Variants in RBFOX2 observed in about 807,000 individuals in gnomAD.
RBFOX2 encodes the protein RNA binding fox-1 homolog 2.
Under a neutral mutation model 49.1 loss-of-function variants are expected in RBFOX2, and 10 were observed. The ratio of observed to expected loss-of-function variants is 0.20; its 90% CI spans 0.13 to 0.35. The LOEUF (loss-of-function observed/expected upper bound fraction) is 0.35, where lower values mean the gene tolerates loss of function less well. Ranked by LOEUF, RBFOX2 falls within the 10% of genes least tolerant of loss-of-function variation. RBFOX2 has a pLI of 1.00. For synonymous variants in RBFOX2, 183 were observed against 187.4 expected, an observed-to-expected ratio of 0.98 and a Z score of 0.19; for missense variants, 323 against 486.9, an observed-to-expected ratio of 0.66 and a Z score of 3.17.
At chr22:35,812,516 A>AT (rs1366307818) in intron 1 of RBFOX2, among the ~76,000 whole-genome samples, 3 of 152,152 alleles carry the variant, frequency 2.0e-5, no homozygotes, top group Non-Finnish European at 4.4e-5. Flanking sequence ...CTCTCTAGCC[A>AT]TATGAAACAT....
At chr22:35,969,264 T>C (rs2056741403) in intron 1 of RBFOX2, among the ~76,000 whole-genome samples, 1 of 151,886 alleles carries the variant, frequency 6.6e-6, no homozygotes, top group Non-Finnish European at 1.5e-5. Context: ...AAAATTTCCA[T>C]TAATTAAAAA....
chr22:35,917,633 G>C (rs1306163651), intron 1 of RBFOX2, among the ~76,000 whole-genome samples: 1 of 152,044 alleles, frequency 6.6e-6, no homozygotes, highest in Non-Finnish European at 1.5e-5. Context: ...TAATCACGTA[G>C]TCATGAAGAT....
chr22:35,916,232 G>A (rs886175094), intron 1 of RBFOX2, among the ~76,000 whole-genome samples: 9 of 152,150 alleles, frequency 5.9e-5, no homozygotes, highest in Admixed American at 1.3e-4. Context: ...TTTCTTCATT[G>A]GTAAAATATG....
At chr22:36,006,151 A>C (rs2058609710) in intron 1 of RBFOX2, among the ~76,000 whole-genome samples, 1 of 152,280 alleles carries the variant, frequency 6.6e-6, no homozygotes, top group African/African-American at 2.4e-5. Flanking sequence ...TATACTGTAG[A>C]AATTAAGCAC....
exon 1 of RBFOX2, chr22:35,961,637 T>C: frequency 7.7e-7 from 1 of 1,304,144 alleles, no homozygotes; most frequent in Non-Finnish European, 1.0e-6. Context: ...TTCTAAACCC[T>C]GCTGCTCTCC....
chr22:35,967,663 T>C (rs1477318634), intron 1 of RBFOX2, among the ~76,000 whole-genome samples: 1 of 152,124 alleles, frequency 6.6e-6, no homozygotes, highest in Non-Finnish European at 1.5e-5. Context: ...TAAATAAAAC[T>C]GAGAATTTTG....
exon 10 of RBFOX2, chr22:35,746,539 T>C: frequency 6.2e-7 from 1 of 1,607,964 alleles, no homozygotes; most frequent in Non-Finnish European, 8.5e-7. Flanking sequence ...AGGCTGTGCA[T>C]ATCTGTAGGC....
At chr22:35,961,285 A>G (rs536809263) in intron 1 of RBFOX2, among the ~76,000 whole-genome samples, 12 of 152,210 alleles carry the variant, frequency 7.9e-5, no homozygotes, top group Non-Finnish European at 1.5e-4. Flanking sequence ...AAAGGCACAC[A>G]CAAATACTTC....
At chr22:35,863,410 C>G (rs916363043) in intron 1 of RBFOX2, among the ~76,000 whole-genome samples, 2 of 152,076 alleles carry the variant, frequency 1.3e-5, no homozygotes, top group Admixed American at 6.6e-5. Context: ...TTTAACAGTA[C>G]CGAAAAACAA....
chr22:35,901,163 C>T (rs1389581811), intron 1 of RBFOX2, among the ~76,000 whole-genome samples: 1 of 152,172 alleles, frequency 6.6e-6, no homozygotes, highest in Non-Finnish European at 1.5e-5. Context: ...ACATAATATA[C>T]TCATGGTCTC....
At chr22:35,909,644 T>C (rs1382391131) in intron 1 of RBFOX2, among the ~76,000 whole-genome samples, 2 of 152,222 alleles carry the variant, frequency 1.3e-5, no homozygotes, top group Non-Finnish European at 2.9e-5. Context: ...AAGGGTAACA[T>C]GTGAGTCCCC....
At position 35,845,914 on chromosome 22, in the gene RBFOX2, G is replaced by C. The variant is rs139419429; in HGVS notation, c.-33-35910C>G. On this transcript the variant is annotated intron_variant, in intron 1 of 13. Transcript: ENST00000359369. Reference sequence around the variant, plus strand: ...ATCCCTGTGTCTGGCATAGTATCTGGCACACAGTAGGTACTCAAAAAACAG... The same window carrying C: ...ATCCCTGTGTCTGGCATAGTATCTGCCACACAGTAGGTACTCAAAAAACAG... Among the ~76,000 whole-genome samples the C allele has an allele frequency of 4.6e-3, 694 of 151,986 alleles. 6 individuals carry two copies. The highest frequency in any genetic ancestry group is 0.017 in the Middle Eastern group (5 of 294).
At chr22:35,794,606 C>G (rs547028990) in intron 2 of RBFOX2, among the ~76,000 whole-genome samples, 2 of 150,892 alleles carry the variant, frequency 1.3e-5, no homozygotes, top group East Asian at 3.9e-4. Context: ...TACAGTGAGC[C>G]GAGATCACGC....
chr22:35,969,424 T>A (rs1173910964), intron 1 of RBFOX2, among the ~76,000 whole-genome samples: 1 of 152,104 alleles, frequency 6.6e-6, no homozygotes, highest in Non-Finnish European at 1.5e-5. Context: ...ACACAAAAAT[T>A]CGTCAGGCAT....
At chr22:35,965,273 G>A (rs2056490864), upstream of RBFOX2, among the ~76,000 whole-genome samples, 1 of 152,108 alleles carries the variant, frequency 6.6e-6, no homozygotes, top group Non-Finnish European at 1.5e-5. Context: ...TTTTACTAAG[G>A]CCAGGTTCAG....
At chr22:35,831,729 C>T (rs1264034539) in intron 1 of RBFOX2, among the ~76,000 whole-genome samples, 2 of 152,208 alleles carry the variant, frequency 1.3e-5, no homozygotes, top group African/African-American at 2.4e-5. Flanking sequence ...AACCCAATCT[C>T]CTTCACTTAA....
At chr22:35,744,969 C>T (rs945566769) in intron 11 of RBFOX2, among the ~76,000 whole-genome samples, 10 of 152,262 alleles carry the variant, frequency 6.6e-5, no homozygotes, top group African/African-American at 9.6e-5. Context: ...CATTTTAGGA[C>T]GAAATACAAC....
chr22:35,802,816 G>T (rs904277432), intron 2 of RBFOX2, among the ~76,000 whole-genome samples: 2 of 152,144 alleles, frequency 1.3e-5, no homozygotes, highest in Non-Finnish European at 2.9e-5. Context: ...CACATCCCTG[G>T]GTGGCTGTGA....
intron 1 of RBFOX2, among the ~76,000 whole-genome samples, chr22:35,979,833 A>G (rs1264658959): frequency 1.3e-5 from 2 of 152,266 alleles, no homozygotes; most frequent in Non-Finnish European, 2.9e-5. Flanking sequence ...AACAAGTGTC[A>G]GTGCCATACT....
Sources: allele counts gnomAD v4.1 joint callset (sites outside exome capture counted in the v4.1 genomes callset), GRCh38; gene constraint gnomAD v4.1.1; transcripts MANE v1.5; gene names NCBI Gene and HGNC (gene_info 2026-07-23, HGNC 2026-07-21).